Variants in USH2A observed in about 807,000 individuals in gnomAD.
USH2A encodes the protein Usher syndrome 2A (autosomal recessive, mild).
A neutral mutation model predicts 538.9 loss-of-function variants in USH2A; 443 were observed. The observed-to-expected ratio is 0.82, with a 90% confidence interval of 0.76 to 0.89. The LOEUF is 0.89. Among genes scored for constraint, USH2A ranks in the 40% least tolerant of loss-of-function variants. The pLI, the probability that USH2A is intolerant of heterozygous loss-of-function variation, is 0.00. For missense variants in USH2A, 6,633 were observed against 6,324.8 expected (o/e 1.05, Z -1.65); for synonymous variants, 2,413 against 2,273.5 (o/e 1.06, Z -1.75).
At chr1:216,355,366 A>AGAAG (rs1491520886) in intron 4 of USH2A, among the ~76,000 whole-genome samples, 1 of 141,038 alleles carries the variant, frequency 7.1e-6, no homozygotes, top group East Asian at 2.3e-4. Context: ...AAAGAAAGAA[A>AGAAG]GAAAGAAAGA....
At position 215,647,671 on chromosome 1, in the gene USH2A, C is replaced by G. The variant is rs200949691; in HGVS notation, c.14642G>C (p.Ser4881Thr). Residue 4881 changes from serine to threonine, a missense_variant, in exon 67 of 72, where the codon AGC (serine) becomes ACC (threonine). Physicochemically the swap from Ser to Thr is moderately conservative, Grantham distance 58 (BLOSUM62 1). Coordinates refer to ENST00000307340, the MANE Select transcript of USH2A (RefSeq NM_206933.4). The stretch of plus-strand genomic sequence containing the variant: ...CCCCGTGTACTTTGTTTCTATTTGG[C>G]TGGGAGTACAGGGGAGGGCTGAGTC... The part of the protein sequence containing the change: ...PPDSALPCTP[S>T]QIETKYTGLG... 5.4e-4 allele frequency: 873 copies of G among 1,614,118 alleles called. 9 individuals carry two copies. In the East Asian group the frequency reaches 0.014, roughly 25 times the overall value.
At chr1:215,798,230 C>A (rs1662199802) in intron 50 of USH2A, among the ~76,000 whole-genome samples, 1 of 152,168 alleles carries the variant, frequency 6.6e-6, no homozygotes, top group Non-Finnish European at 1.5e-5. Flanking sequence ...GAGATGGAAT[C>A]TATGCCTGGT....
chr1:216,346,453 C>A (rs751436224), intron 4 of USH2A, among the ~76,000 whole-genome samples: 5 of 151,982 alleles, frequency 3.3e-5, no homozygotes, highest in Admixed American at 6.6e-5. Flanking sequence ...TTGGGGGTAT[C>A]AGAAATCACT....
chr1:216,412,278 A>T (rs915365827), intron 3 of USH2A, among the ~76,000 whole-genome samples: 2 of 152,142 alleles, frequency 1.3e-5, no homozygotes, highest in African/African-American at 4.8e-5. Flanking sequence ...ATTGCATTTT[A>T]AAATCACATG....
intron 11 of USH2A, among the ~76,000 whole-genome samples, chr1:216,281,688 G>C (rs2036779192): frequency 6.6e-6 from 1 of 152,026 alleles, no homozygotes; most frequent in African/African-American, 2.4e-5. Context: ...AAGATTTTAT[G>C]AGGATATATG....
intron 9 of USH2A, among the ~76,000 whole-genome samples, chr1:216,311,107 T>C (rs1045919065): frequency 1.3e-5 from 2 of 152,232 alleles, no homozygotes; most frequent in Admixed American, 6.5e-5. Flanking sequence ...TGCATCATAG[T>C]GCTGCTAAGC....
Position 216,234,100 on chromosome 1 carries a change from G to C in USH2A, c.2810-1964C>G, listed in dbSNP as rs1383889985. 2.0e-5 allele frequency among the ~76,000 whole-genome samples: 3 copies of C among 152,294 alleles called. No individual in the cohort carries two copies. In the East Asian group the frequency reaches 5.8e-4, roughly 29 times the overall value. Reference sequence around the variant, plus strand: ...GAAAGAAGGAGAGCATGAGCAAAAAGTGAATCTATTCTCTTATCTATTATA... The same window carrying C: ...GAAAGAAGGAGAGCATGAGCAAAAACTGAATCTATTCTCTTATCTATTATA... On this transcript the variant is annotated intron_variant, in intron 13 of 71. Coordinates refer to ENST00000307340, the MANE Select transcript of USH2A (RefSeq NM_206933.4).
intron 64 of USH2A, among the ~76,000 whole-genome samples, chr1:215,665,212 G>A (rs188788973): frequency 6.6e-6 from 1 of 152,194 alleles, no homozygotes. Flanking sequence ...TTGTTTGGGG[G>A]CAGTGTTGGT....
At chr1:216,369,152 TA>T (rs2038654118) in intron 3 of USH2A, among the ~76,000 whole-genome samples, 1 of 152,150 alleles carries the variant, frequency 6.6e-6, no homozygotes, top group African/African-American at 2.4e-5. Context: ...TGCCCTGAAA[TA>T]GAAATTTCTA....
chr1:216,198,377 A>C lies in USH2A; in HGVS notation c.4019T>G (p.Leu1340Ter), dbSNP rs558330989. ...EPYTKYEFRV[L>*]AVNMAGSVSS... is the part of the protein sequence containing the mutation. ...CACACTTCCAGCCATATTCACAGCT[A>C]AGACTCTGAACTCATACTTGGTGTA... is the stretch of plus-strand genomic sequence containing the variant. The change falls in exon 18 of 72, where the codon TTA (leucine) becomes TGA (stop). Residue 1340 changes from leucine (L) to a stop codon, truncating the protein, a stop_gained. Coordinates refer to ENST00000307340, the MANE Select transcript of USH2A (RefSeq NM_206933.4). LOFTEE classifies it high-confidence loss of function. 1 of 1,614,072 alleles carries C rather than the reference A, an allele frequency of 6.2e-7. No homozygotes were observed.
intron 3 of USH2A, among the ~76,000 whole-genome samples, chr1:216,406,931 T>C (rs1571788973): frequency 6.6e-6 from 1 of 152,256 alleles, no homozygotes. Context: ...ATCCATAATG[T>C]AAACTTTCTT....
intron 21 of USH2A, among the ~76,000 whole-genome samples, chr1:216,169,106 T>A (rs1010846865): frequency 5.9e-5 from 9 of 152,120 alleles, no homozygotes; most frequent in African/African-American, 2.2e-4. Flanking sequence ...ACCCATTGAG[T>A]GGTTGCGGAA....
chr1:216,015,258 G>A (rs7519838), intron 32 of USH2A, among the ~76,000 whole-genome samples: 22,746 of 152,110 alleles, frequency 0.15, 1,784 homozygotes, highest in Middle Eastern at 0.23. Context: ...CAAACCTAAG[G>A]GGTGATATGT....
intron 21 of USH2A, among the ~76,000 whole-genome samples, chr1:216,122,388 C>T (rs2033155353): frequency 6.6e-6 from 1 of 152,096 alleles, no homozygotes; most frequent in Non-Finnish European, 1.5e-5. Context: ...ATAAGCATAA[C>T]AATAGGTGAA....
chr1:215,815,639 A>G (rs143232590), intron 48 of USH2A, among the ~76,000 whole-genome samples: 9 of 152,172 alleles, frequency 5.9e-5, no homozygotes, highest in African/African-American at 2.2e-4. Context: ...ATAGGTAAAT[A>G]TTATTCTGTT....
intron 15 of USH2A, among the ~76,000 whole-genome samples, 192 bp from the exon 16 acceptor site, chr1:216,207,623 TA>T (rs1241817148): frequency 2.6e-5 from 4 of 151,002 alleles, no homozygotes; most frequent in Non-Finnish European, 4.4e-5. Flanking sequence ...TCTATAAGCA[TA>T]AAAAAACTTT....
In USH2A at chr1:215,900,200, GA is replaced by G. The variant is rs1665453379; in HGVS notation, c.7468del (p.Ser2490LeufsTer4). 6 of 1,613,526 alleles carry G rather than the reference GA, an allele frequency of 3.7e-6. No homozygotes were observed. The highest frequency in any genetic ancestry group is 5.1e-6 in the Non-Finnish European group (6 of 1,179,688). On this transcript the variant is annotated frameshift_variant, in exon 40 of 72. Coordinates refer to ENST00000307340, the MANE Select transcript of USH2A (RefSeq NM_206933.4). LOFTEE classifies it high-confidence loss of function. ...HGFLELFSNPSASLSYEVSDL... is the reference protein window; with the variant it reads ...HGFLELFSNPXASLSYEVSDL... ...ACTCACTTCATAGCTTAACGATGCA[GA>G]AGGATTGGAAAATAACCTGTATGGG...
chr1:215,700,722 C>A (rs943254630), intron 61 of USH2A, among the ~76,000 whole-genome samples: 2 of 151,988 alleles, frequency 1.3e-5, no homozygotes, highest in African/African-American at 4.8e-5. Flanking sequence ...GTCTAGCTAG[C>A]AGTCTATTTA....
At chr1:216,298,122 A>G (rs2037142220) in intron 9 of USH2A, among the ~76,000 whole-genome samples, 1 of 152,112 alleles carries the variant, frequency 6.6e-6, no homozygotes, top group Admixed American at 6.5e-5. Context: ...CTCATTGAAG[A>G]ATTTGTTTAC....
Sources: gnomAD v4.1 joint callset for allele counts (sites outside exome capture counted in the v4.1 genomes callset) on GRCh38, gnomAD v4.1.1 for gene constraint, MANE v1.5 for transcripts, NCBI Gene and HGNC (gene_info 2026-07-23, HGNC 2026-07-21) for gene names.